ZC3H7B: variants seen among roughly 807,000 people sequenced by gnomAD.
The protein encoded by ZC3H7B is zinc finger CCCH-type containing 7B.
ZC3H7B carries 35 observed loss-of-function variants against 116.0 expected under a neutral mutation model. The observed-to-expected ratio is 0.30, with a 90% CI of 0.23 to 0.40. The LOEUF (loss-of-function observed/expected upper bound fraction) is 0.40. ZC3H7B is among the 10% of genes least tolerant of loss of function. The pLI is 1.00. For synonymous variants in ZC3H7B, 502 were observed against 545.6 expected, an observed-to-expected ratio of 0.92 and a Z score of 1.11; for missense variants, 1,011 against 1,321.5, an observed-to-expected ratio of 0.77 and a Z score of 3.64.
chr22:41,311,256 C>T (rs189851045), intron 1 of ZC3H7B, among the ~76,000 whole-genome samples: 19 of 151,546 alleles, frequency 1.3e-4, no homozygotes, highest in African/African-American at 4.4e-4. Flanking sequence ...GAGAGGTGGC[C>T]GTGCTTGTGG....
At chr22:41,332,113 A>C (rs2036390813) in intron 6 of ZC3H7B, 58 bp from the exon 7 acceptor site, 1 of 1,595,376 alleles carries the variant, frequency 6.3e-7, no homozygotes, top group South Asian at 1.1e-5. Context: ...AGCTAAGGGG[A>C]CCTTGAGCAT....
At chr22:41,340,762 G>A (rs1002677210) in intron 10 of ZC3H7B, among the ~76,000 whole-genome samples, 3 of 152,228 alleles carry the variant, frequency 2.0e-5, no homozygotes, top group South Asian at 2.1e-4. Context: ...ATGGCATGGC[G>A]CGGGGCTGGC....
At chr22:41,317,616 C>T (rs917512296) in intron 1 of ZC3H7B, among the ~76,000 whole-genome samples, 6 of 151,786 alleles carry the variant, frequency 4.0e-5, no homozygotes, top group African/African-American at 1.5e-4. Context: ...ATGGCAAAAC[C>T]CCATCTCTAA....
chr22:41,353,963 GT>G (rs2036683077), intron 17 of ZC3H7B, among the ~76,000 whole-genome samples: 1 of 152,220 alleles, frequency 6.6e-6, no homozygotes, highest in Non-Finnish European at 1.5e-5. Context: ...GCTGGGTGTG[GT>G]AGCTCACCTG....
chr22:41,332,044 G>A (rs928910899), intron 6 of ZC3H7B, 127 bp from the exon 7 acceptor site: 2 of 927,884 alleles, frequency 2.2e-6, no homozygotes, highest in Non-Finnish European at 3.4e-6. Flanking sequence ...CCTGGGGACA[G>A]GGACTCTCGG....
chr22:41,315,352 G>GTT (rs34182958), intron 1 of ZC3H7B, among the ~76,000 whole-genome samples: 7,610 of 118,786 alleles, frequency 0.064, 544 homozygotes, highest in Admixed American at 0.11. Flanking sequence ...AATTTCTAGT[G>GTT]TTTTTTTTTT....
rs1456705458 is a variant in ZC3H7B at position 41,338,458 on chromosome 22, G to A, written c.625+103G>A. 7.0e-6 allele frequency: 9 copies of A among 1,277,122 alleles called. No homozygotes were observed. Among genetic ancestry groups the A allele is most frequent in the Admixed American group, 2.0e-5 (1 of 49,806 alleles). 79.1% of individuals were successfully genotyped at this position (1,277,122 alleles called of 1,614,324 possible). ...CAGCCCTGTAGATGGGAGGGCCTCCGAGGGGTTCCCCACCCTGGTACTCCC... is the reference window on the plus strand; with the variant it reads ...CAGCCCTGTAGATGGGAGGGCCTCCAAGGGGTTCCCCACCCTGGTACTCCC... On this transcript the variant is annotated intron_variant, in intron 8 of 22. Transcript: ENST00000352645. This position sits in a 1 kb window ranked among gnomAD's most constrained non-coding sequence, Gnocchi z 4.5.
intron 13 of ZC3H7B, among the ~76,000 whole-genome samples, chr22:41,345,705 C>T (rs2036575192): frequency 6.6e-6 from 1 of 152,116 alleles, no homozygotes; most frequent in African/African-American, 2.4e-5. Flanking sequence ...AGAAGCGGGC[C>T]TTGTATTTGG....
chr22:41,357,587 GC>G lies in ZC3H7B; in HGVS notation c.*162del, dbSNP rs551046010. The G allele has an allele frequency of 9.6e-7, 1 of 1,042,038 alleles. No homozygotes were observed. Among genetic ancestry groups the G allele is most frequent in the African/African-American group, 1.6e-5 (1 of 61,482 alleles). 64.5% of individuals were successfully genotyped at this position (1,042,038 alleles called of 1,614,324 possible). ...CCCTGTCCATCTTCTCCCCACCACC[GC>G]CCCGGTGTGCGTACCCAGGCGCACG... On this transcript the variant is annotated 3_prime_UTR_variant, in exon 23 of 23. Coordinates refer to ENST00000352645, the MANE Select transcript of ZC3H7B (RefSeq NM_017590.6). This position sits in a 1 kb window ranked among gnomAD's most constrained non-coding sequence, Gnocchi z 5.4.
At position 41,349,021 on chromosome 22, in the gene ZC3H7B, C is replaced by A; in HGVS notation, c.1767-99C>A. 7.6e-7 allele frequency: 1 copy of A among 1,323,884 alleles called. No homozygotes were observed. The highest frequency in any genetic ancestry group is 1.0e-6 in the Non-Finnish European group (1 of 961,850). The allele number at this position is 1,323,884 out of a possible 1,614,324, so 82.0% of individuals were successfully genotyped here. A position where few individuals can be genotyped will look rare whatever the true frequency, so the allele number is the denominator to read the frequency against. ...GATTTGGTACATAGATCAGGGGGTG[C>A]CCAGGGAGAGCCTGGCACTGGGAAG... On this transcript the variant is annotated intron_variant, in intron 15 of 22. Transcript: ENST00000352645. This position sits in a 1 kb window ranked among gnomAD's most constrained non-coding sequence, Gnocchi z 4.9.
At position 41,340,024 on chromosome 22, in the gene ZC3H7B, C is replaced by T. The variant is rs1480840732; in HGVS notation, c.1025C>T (p.Pro342Leu). 9 of 1,611,134 alleles carry T rather than the reference C, an allele frequency of 5.6e-6. No homozygotes were observed. The highest frequency in any genetic ancestry group is 3.3e-5 in the Admixed American group (2 of 60,018). Residue 342 changes from proline (P) to leucine (L), a missense_variant, in exon 10 of 23, where the codon CCG becomes CTG. Around this residue, in one of 5 missense-constraint regions of ZC3H7B, gnomAD observed 99 missense variants for 89.5 expected, o/e 1.11. Transcript: ENST00000352645. ...TCTGTGCTGGATGCCCTCGATCCCC[C>T]GGGCCCCACGCTGGACCCCCTGGAC... ...AASVLDALDP[P>L]GPTLDPLDLL...
At chr22:41,313,036 G>A (rs1371049434) in intron 1 of ZC3H7B, among the ~76,000 whole-genome samples, 2 of 152,136 alleles carry the variant, frequency 1.3e-5, no homozygotes, top group Non-Finnish European at 2.9e-5. Flanking sequence ...GCAAGTAACA[G>A]AATTCCTAGC....
chr22:41,348,273 G>T (rs1404628531), intron 15 of ZC3H7B, 106 bp downstream of exon 15: 5 of 1,011,452 alleles, frequency 4.9e-6, no homozygotes, highest in Middle Eastern at 4.2e-4. Flanking sequence ...TGGATGTAGG[G>T]TGCAAGGAAA....
rs2036720758 is a variant in ZC3H7B, at chr22:41,356,558, C to A, written c.2517+82C>A. 27 of 1,608,290 alleles carry A rather than the reference C, an allele frequency of 1.7e-5. 2 individuals carry two copies. The South Asian group carries it at 2.8e-4, about 16-fold the overall frequency. ...ACCTGGGAGGGGCAGCCTGGAGGGC[C>A]CAGCCGGCCAGCGCTCAGCCTCTCC... On this transcript the variant is annotated intron_variant, in intron 21 of 22. Transcript: ENST00000352645.
rs2036474005 is a variant in ZC3H7B, at chr22:41,338,542, C to T, written c.625+187C>T. On this transcript the variant is annotated intron_variant, in intron 8 of 22. Coordinates refer to ENST00000352645, the MANE Select transcript of ZC3H7B (RefSeq NM_017590.6). This position sits in a 1 kb window ranked among gnomAD's most constrained non-coding sequence, Gnocchi z 4.5. Reference sequence around the variant, plus strand: ...ACAGACCCACTCAAGGAGGGGAGGGCATCTCTAGTCTGGCAGAGAGGGGTG... The same window carrying T: ...ACAGACCCACTCAAGGAGGGGAGGGTATCTCTAGTCTGGCAGAGAGGGGTG... Among the ~76,000 whole-genome samples, 1 of 152,034 alleles carries T rather than the reference C, an allele frequency of 6.6e-6. No individual in the cohort carries two copies. The highest frequency in any genetic ancestry group is 1.5e-5 in the Non-Finnish European group (1 of 67,970).
intron 1 of ZC3H7B, among the ~76,000 whole-genome samples, chr22:41,317,453 T>A (rs779548619): frequency 2.0e-5 from 3 of 152,056 alleles, no homozygotes; most frequent in Non-Finnish European, 2.9e-5. Flanking sequence ...AACATATGAA[T>A]GGGAGAGGGG....
chr22:41,323,988 TGAACCCGG>T (rs1402239098), intron 2 of ZC3H7B, among the ~76,000 whole-genome samples: 1 of 151,642 alleles, frequency 6.6e-6, no homozygotes, highest in Non-Finnish European at 1.5e-5. Flanking sequence ...GAGAATGGCG[TGAACCCGG>T]GAGGTGGAGG....
Position 41,351,559 on chromosome 22 carries a change from A to G in ZC3H7B, c.1949-2A>G. Reference sequence around the variant, plus strand: ...GCCTGTGTCTGCCCCCACCCTCCCCAGGCATGACCCACGAAGACATCGTTC... The same window carrying G: ...GCCTGTGTCTGCCCCCACCCTCCCCGGGCATGACCCACGAAGACATCGTTC... On this transcript the variant is annotated splice_acceptor_variant, in intron 16 of 22. Transcript: ENST00000352645. LOFTEE classifies it high-confidence loss of function. This position sits in a 1 kb window ranked among gnomAD's most constrained non-coding sequence, Gnocchi z 5.1. The G allele has an allele frequency of 6.2e-7, 1 of 1,612,604 alleles. No homozygotes were observed. Among genetic ancestry groups the G allele is most frequent in the Non-Finnish European group, 8.5e-7 (1 of 1,179,468 alleles).
chr22:41,308,545 G>C (rs1182183501), intron 1 of ZC3H7B, among the ~76,000 whole-genome samples: 3 of 152,074 alleles, frequency 2.0e-5, no homozygotes, highest in Admixed American at 2.0e-4. Flanking sequence ...CTTCTTCACT[G>C]TCTGCCTTGA....
Sources: allele counts gnomAD v4.1 joint callset (sites outside exome capture counted in the v4.1 genomes callset), GRCh38; gene constraint gnomAD v4.1.1; regional missense constraint gnomAD v4.1.1; non-coding constraint Gnocchi (gnomAD v3.1); transcripts MANE v1.5; gene names NCBI Gene and HGNC (gene_info 2026-07-23, HGNC 2026-07-21).